VPS26B: variants seen among roughly 807,000 people sequenced by gnomAD.
The protein encoded by VPS26B is VPS26 retromer complex component B.
Under a neutral mutation model 33.3 loss-of-function variants are expected in VPS26B, and 10 were observed. The observed-to-expected ratio is 0.30, with a 90% CI of 0.19 to 0.51. The LOEUF (loss-of-function observed/expected upper bound fraction) is 0.51, where lower values mean the gene tolerates loss of function less well. Ranked by LOEUF, VPS26B falls within the 20% of genes least tolerant of loss-of-function variation. The probability of loss-of-function intolerance (pLI) is 0.98; values close to 1 mark genes in which losing one functional copy is unlikely to be tolerated. For synonymous variants in VPS26B, 190 were observed against 176.9 expected (o/e 1.07, Z -0.59); for missense variants, 317 against 452.7 (o/e 0.70, Z 2.72).
chr11:134,230,836 G>A (rs374789640), intron 1 of VPS26B, among the ~76,000 whole-genome samples: 1 of 152,158 alleles, frequency 6.6e-6, no homozygotes, highest in African/African-American at 2.4e-5. Context: ...GCAAGTTTTC[G>A]AGCCACACTG....
At chr11:134,237,503 C>T (rs147267169) in intron 2 of VPS26B, among the ~76,000 whole-genome samples, 282 of 152,278 alleles carry the variant, frequency 1.9e-3, no homozygotes, top group Non-Finnish European at 2.9e-3. Context: ...CAATTGGAAG[C>T]GCAGACCTGG....
intron 1 of VPS26B, among the ~76,000 whole-genome samples, chr11:134,232,146 T>G (rs1054410114): frequency 6.7e-6 from 1 of 149,866 alleles, no homozygotes; most frequent in Non-Finnish European, 1.5e-5. Context: ...ACTTACTCAG[T>G]TCCTACTTCT....
intron 1 of VPS26B, among the ~76,000 whole-genome samples, chr11:134,229,394 C>T (rs1257879969): frequency 6.6e-6 from 1 of 152,178 alleles, no homozygotes; most frequent in Admixed American, 6.5e-5. Flanking sequence ...GAGTTTCACA[C>T]GTCTTTGAAG....
intron 1 of VPS26B, among the ~76,000 whole-genome samples, chr11:134,225,685 G>A (rs1426472344): frequency 2.0e-5 from 3 of 152,208 alleles, no homozygotes; most frequent in African/African-American, 7.2e-5. Flanking sequence ...TCTGGGTGAG[G>A]TGCTCTGGCC....
intron 1 of VPS26B, among the ~76,000 whole-genome samples, chr11:134,231,470 G>T (rs1433860297): frequency 6.6e-6 from 1 of 152,210 alleles, no homozygotes; most frequent in East Asian, 1.9e-4. Context: ...CACAGGGTTG[G>T]CAGACAGGAG....
intron 1 of VPS26B, among the ~76,000 whole-genome samples, chr11:134,227,641 C>T (rs984181050): frequency 6.6e-6 from 1 of 152,192 alleles, no homozygotes; most frequent in Non-Finnish European, 1.5e-5. Context: ...AGTAACTCTT[C>T]CCGGGCCCTT....
rs372331969 is a variant in VPS26B, at chr11:134,238,398, T to G, written c.381-1593T>G. On this transcript the variant is annotated intron_variant, in intron 2 of 5. Coordinates refer to ENST00000281187, the MANE Select transcript of VPS26B (RefSeq NM_052875.5). ...TCTTAGTGGAGTAAAAGTCAGTGTC[T>G]TCCCAGACAGCGGGGTGGGGAGACT... Among the ~76,000 whole-genome samples, 3 of 152,084 alleles carry G rather than the reference T, an allele frequency of 2.0e-5. No individual in the cohort carries two copies. The East Asian group carries it at 5.8e-4, about 29-fold the overall frequency.
At chr11:134,237,363 A>C (rs374549002) in intron 2 of VPS26B, among the ~76,000 whole-genome samples, 1 of 152,216 alleles carries the variant, frequency 6.6e-6, no homozygotes, top group Admixed American at 6.5e-5. Context: ...GAGTGCAGGC[A>C]TGCAGCCGTG....
In VPS26B at chr11:134,240,901, C is replaced by T. The variant is rs1938714876; in HGVS notation, c.545+746C>T. ...TCGTGATCTGCCTGCCTTGGCTTCCCACAGCGCTGGGACTACAGGCATGAG... is the reference window on the plus strand; with the variant it reads ...TCGTGATCTGCCTGCCTTGGCTTCCTACAGCGCTGGGACTACAGGCATGAG... On this transcript the variant is annotated intron_variant, in intron 3 of 5. Coordinates refer to ENST00000281187, the MANE Select transcript of VPS26B (RefSeq NM_052875.5). This position sits in a 1 kb window ranked among gnomAD's most constrained non-coding sequence, Gnocchi z 4.4. Among the ~76,000 whole-genome samples the T allele has an allele frequency of 1.3e-5, 2 of 151,756 alleles. No individual in the cohort carries two copies. The highest frequency in any genetic ancestry group is 4.8e-5 in the African/African-American group (2 of 41,300).
rs770542325 is a variant in VPS26B, at chr11:134,244,961, T to C, written c.745T>C (p.Phe249Leu). The change falls in exon 5 of 6, where the codon TTC becomes CTC. Residue 249 changes from phenylalanine (F) to leucine (L), a missense_variant. By Grantham distance (22) the Phe-to-Leu change is conservative. Coordinates refer to ENST00000281187, the MANE Select transcript of VPS26B (RefSeq NM_052875.5). This position sits in a 1 kb window ranked among gnomAD's most constrained non-coding sequence, Gnocchi z 4.0. The part of the protein sequence containing the change: ...VRGESIPIRL[F>L]LAGYELTPTM... ...AGGAGAGTCCATCCCGATCCGGCTCTTCCTGGCCGGGTATGAGCTCACGCC... is the reference window on the plus strand; with the variant it reads ...AGGAGAGTCCATCCCGATCCGGCTCCTCCTGGCCGGGTATGAGCTCACGCC... 3 of 1,613,902 alleles carry C rather than the reference T, an allele frequency of 1.9e-6. No individual in the cohort carries two copies. In the South Asian group the frequency reaches 3.3e-5, roughly 18 times the overall value.
chr11:134,227,469 C>T (rs1938496632), intron 1 of VPS26B, among the ~76,000 whole-genome samples: 1 of 152,202 alleles, frequency 6.6e-6, no homozygotes. Flanking sequence ...GTGAAATTAG[C>T]TGTTCTAGGA....
chr11:134,245,349 C>A lies in VPS26B; in HGVS notation c.865-95C>A. On this transcript the variant is annotated intron_variant, in intron 5 of 5. Transcript: ENST00000281187. The surrounding 1 kb of genome is among the most constrained non-coding windows in gnomAD (Gnocchi z 4.7). ...GAGAGAGAAGCAGAGGAGGTCCTTGCCCGAGATTCCCCACGTCAAAGTTGG... is the reference window on the plus strand; with the variant it reads ...GAGAGAGAAGCAGAGGAGGTCCTTGACCGAGATTCCCCACGTCAAAGTTGG... The A allele has an allele frequency of 1.3e-6, 2 of 1,550,818 alleles. No homozygotes were observed. The highest frequency in any genetic ancestry group is 2.3e-5 in the East Asian group (1 of 43,784).
At position 134,245,842 on chromosome 11, in the gene VPS26B, G is replaced by A; in HGVS notation, c.*252G>A. Reference sequence around the variant, plus strand: ...TAGCATCCTGGAAGCCAGCCTCTCTGGGGAACATGAGCCCCCTTCCTCGGG... The same window carrying A: ...TAGCATCCTGGAAGCCAGCCTCTCTAGGGAACATGAGCCCCCTTCCTCGGG... On this transcript the variant is annotated 3_prime_UTR_variant, in exon 6 of 6. Transcript: ENST00000281187. The surrounding 1 kb of genome is among the most constrained non-coding windows in gnomAD (Gnocchi z 4.7). The A allele has an allele frequency of 6.1e-6, 3 of 488,634 alleles. No homozygotes were observed. Among genetic ancestry groups the A allele is most frequent in the Non-Finnish European group, 1.1e-5 (3 of 273,882 alleles). 30.3% of individuals were successfully genotyped at this position (488,634 alleles called of 1,614,324 possible).
intron 1 of VPS26B, among the ~76,000 whole-genome samples, chr11:134,232,040 G>A (rs1938562541): frequency 6.6e-6 from 1 of 152,216 alleles, no homozygotes; most frequent in Non-Finnish European, 1.5e-5. Context: ...ACTGTTGGTG[G>A]CAAGTTTCAC....
At chr11:134,229,393 A>G (rs1565354719) in intron 1 of VPS26B, among the ~76,000 whole-genome samples, 1 of 152,068 alleles carries the variant, frequency 6.6e-6, no homozygotes, top group Non-Finnish European at 1.5e-5. Flanking sequence ...TGAGTTTCAC[A>G]CGTCTTTGAA....
intron 2 of VPS26B, among the ~76,000 whole-genome samples, chr11:134,238,771 A>G (rs1321732116): frequency 6.6e-6 from 1 of 151,136 alleles, no homozygotes; most frequent in East Asian, 2.0e-4. Context: ...AATTTTTTGT[A>G]TTTTTAGTAG....
In VPS26B at chr11:134,245,144, T is replaced by A; in HGVS notation, c.864+64T>A. The stretch of plus-strand genomic sequence containing the variant: ...ACAGAACAGGAGGCTCTCTTTCCTA[T>A]GGAAGGTCAGACTCCATTTTTGCCA... On this transcript the variant is annotated intron_variant, in intron 5 of 5. Coordinates refer to ENST00000281187, the MANE Select transcript of VPS26B (RefSeq NM_052875.5). The surrounding 1 kb of genome is among the most constrained non-coding windows in gnomAD (Gnocchi z 4.7). 1 of 1,576,208 alleles carries A rather than the reference T, an allele frequency of 6.3e-7. No homozygotes were observed. Among genetic ancestry groups the A allele is most frequent in the South Asian group, 1.2e-5 (1 of 86,160 alleles).
chr11:134,230,835 C>G (rs1053427596), intron 1 of VPS26B, among the ~76,000 whole-genome samples: 1 of 152,318 alleles, frequency 6.6e-6, no homozygotes, highest in East Asian at 1.9e-4. Flanking sequence ...TGCAAGTTTT[C>G]GAGCCACACT....
chr11:134,234,053 G>T (rs547409461), intron 1 of VPS26B, among the ~76,000 whole-genome samples: 16 of 152,252 alleles, frequency 1.1e-4, no homozygotes, highest in Middle Eastern at 3.4e-3. Context: ...CCCCATCCCA[G>T]ACTCCTGAAT....
Sources: allele counts gnomAD v4.1 joint callset (sites outside exome capture counted in the v4.1 genomes callset), GRCh38; gene constraint gnomAD v4.1.1; non-coding constraint Gnocchi (gnomAD v3.1); transcripts MANE v1.5; gene names NCBI Gene and HGNC (gene_info 2026-07-23, HGNC 2026-07-21).